The following ADAMTS3 variants were observed in gnomAD, a reference collection of about 807,000 sequenced individuals.
ADAMTS3 encodes the protein ADAM metallopeptidase with thrombospondin type 1 motif 3.
ADAMTS3 carries 73 observed loss-of-function variants against 129.0 expected under a neutral mutation model. The ratio of observed to expected loss-of-function variants is 0.57; its 90% CI spans 0.47 to 0.69. The LOEUF is 0.69. Ranked by LOEUF, ADAMTS3 falls within the 30% of genes least tolerant of loss-of-function variation. The probability of loss-of-function intolerance (pLI) is 0.00; values close to 1 mark genes in which losing one functional copy is unlikely to be tolerated. For missense variants in ADAMTS3, 1,457 were observed against 1,514.5 expected, an observed-to-expected ratio of 0.96 and a Z score of 0.63; for synonymous variants, 477 against 510.8, an observed-to-expected ratio of 0.93 and a Z score of 0.89.
chr4:72,494,048 T>C (rs1719812856), intron 3 of ADAMTS3, among the ~76,000 whole-genome samples: 1 of 152,296 alleles, frequency 6.6e-6, no homozygotes, highest in South Asian at 2.1e-4. Context: ...TGTGCCTCAG[T>C]ATAGTCTTCT....
intron 3 of ADAMTS3, among the ~76,000 whole-genome samples, chr4:72,468,094 G>T (rs1560527203): frequency 6.6e-6 from 1 of 151,064 alleles, no homozygotes; most frequent in African/African-American, 2.4e-5. Flanking sequence ...TTTTCAGTCT[G>T]AAAAAAAAAT....
At chr4:72,537,397 T>G (rs1721208337) in intron 3 of ADAMTS3, among the ~76,000 whole-genome samples, 1 of 152,188 alleles carries the variant, frequency 6.6e-6, no homozygotes, top group Non-Finnish European at 1.5e-5. Context: ...TTTATAGAGA[T>G]AGCTTTTTTT....
intron 21 of ADAMTS3, among the ~76,000 whole-genome samples, chr4:72,285,391 C>G (rs1382917444): frequency 6.6e-6 from 1 of 151,822 alleles, no homozygotes. Flanking sequence ...TTTTTGAAAA[C>G]CTGTATCTTA....
intron 2 of ADAMTS3, among the ~76,000 whole-genome samples, chr4:72,557,825 A>C (rs1330286852): frequency 1.3e-5 from 2 of 151,878 alleles, no homozygotes; most frequent in Non-Finnish European, 2.9e-5. Flanking sequence ...TCTTAAAATG[A>C]CCAAATAATC....
intron 3 of ADAMTS3, among the ~76,000 whole-genome samples, chr4:72,546,265 A>T (rs1433465110): frequency 3.3e-5 from 5 of 152,148 alleles, no homozygotes; most frequent in African/African-American, 1.2e-4. Context: ...CAAGCTTCCA[A>T]GAACCCCTAC....
intron 3 of ADAMTS3, among the ~76,000 whole-genome samples, chr4:72,435,623 A>ACT (rs1366489943): frequency 6.6e-6 from 1 of 151,866 alleles, no homozygotes; most frequent in African/African-American, 2.4e-5. Context: ...GATGTAAGAC[A>ACT]GTACATGGCA....
At chr4:72,289,732 T>C (rs1374948036) in intron 20 of ADAMTS3, among the ~76,000 whole-genome samples, 1 of 152,142 alleles carries the variant, frequency 6.6e-6, no homozygotes, top group African/African-American at 2.4e-5. Flanking sequence ...GGGTTAGTTA[T>C]TGCAGGAATG....
At chr4:72,370,082 C>A (rs1357299345) in intron 4 of ADAMTS3, among the ~76,000 whole-genome samples, 1 of 152,164 alleles carries the variant, frequency 6.6e-6, no homozygotes, top group East Asian at 1.9e-4. Context: ...AAATAATAGA[C>A]AATCGCAAAA....
chr4:72,345,904 A>T (rs1470422988), intron 4 of ADAMTS3, among the ~76,000 whole-genome samples: 2 of 152,146 alleles, frequency 1.3e-5, no homozygotes, highest in Non-Finnish European at 1.5e-5. Flanking sequence ...CTTCTATGTC[A>T]GCGAGAATGT....
At chr4:72,554,756 C>T (rs1721722277) in intron 2 of ADAMTS3, among the ~76,000 whole-genome samples, 1 of 151,820 alleles carries the variant, frequency 6.6e-6, no homozygotes, top group African/African-American at 2.4e-5. Context: ...ATTCCCCACA[C>T]AGAATTTCTC....
chr4:72,377,736 C>T (rs968857380), intron 4 of ADAMTS3, among the ~76,000 whole-genome samples: 9 of 152,116 alleles, frequency 5.9e-5, no homozygotes, highest in African/African-American at 1.9e-4. Context: ...TTGATGTTGC[C>T]AGGCATTGGA....
Position 72,432,368 on chromosome 4 carries a change from G to T in ADAMTS3, c.505-17397C>A, listed in dbSNP as rs757952601. Among the ~76,000 whole-genome samples, 76 of 151,694 alleles carry T rather than the reference G, an allele frequency of 5.0e-4. 2 individuals are homozygous for T. The highest frequency in any genetic ancestry group is 2.6e-4 in the Admixed American group (4 of 15,208). On this transcript the variant is annotated intron_variant, in intron 3 of 21. Coordinates refer to ENST00000286657, the MANE Select transcript of ADAMTS3 (RefSeq NM_014243.3). ...ACAGTACCGGTATCTGCTCCCCTCC[G>T]ACTGCTCTTCCACATACCTAGCTCT...
At chr4:72,321,332 T>C (rs1719549486) in intron 6 of ADAMTS3, among the ~76,000 whole-genome samples, 1 of 147,782 alleles carries the variant, frequency 6.8e-6, no homozygotes, top group African/African-American at 2.4e-5. Context: ...CCACCATTCC[T>C]GGCTTTTTTT....
In ADAMTS3 at chr4:72,424,390, C is replaced by G. The variant is rs73827093; in HGVS notation, c.505-9419G>C. On this transcript the variant is annotated intron_variant, in intron 3 of 21. Coordinates refer to ENST00000286657, the MANE Select transcript of ADAMTS3 (RefSeq NM_014243.3). The stretch of plus-strand genomic sequence containing the variant: ...TGCCTGGTTCTTATCAAAATACAGG[C>G]GGCAAAAAATAAAATTTGAGAAATA... 1.1e-3 allele frequency among the ~76,000 whole-genome samples: 165 copies of G among 152,030 alleles called. 1 individual carries two copies. The highest frequency in any genetic ancestry group is 3.8e-3 in the African/African-American group (158 of 41,518).
At chr4:72,561,452 C>A (rs1721901497) in intron 2 of ADAMTS3, among the ~76,000 whole-genome samples, 1 of 152,004 alleles carries the variant, frequency 6.6e-6, no homozygotes, top group Non-Finnish European at 1.5e-5. Flanking sequence ...CTGCAGTGAG[C>A]CATGACTGCA....
At chr4:72,300,765 A>G (rs1055179656) in intron 17 of ADAMTS3, among the ~76,000 whole-genome samples, 16 of 152,244 alleles carry the variant, frequency 1.1e-4, no homozygotes, top group Middle Eastern at 3.4e-3. Context: ...AGTCAGTGCC[A>G]TATTGTGAGG....
At chr4:72,288,923 T>TACACACACACACACACACAC (rs33967517) in intron 20 of ADAMTS3, 55 bp from the exon 21 acceptor site, 2 of 452,660 alleles carry the variant, frequency 4.4e-6, no homozygotes, top group Non-Finnish European at 4.0e-6. Context: ...ACCATGCACA[T>TACACACACACACACACACAC]ACACACACAC....
chr4:72,521,683 G>A (rs1370728620), intron 3 of ADAMTS3, among the ~76,000 whole-genome samples: 1 of 151,964 alleles, frequency 6.6e-6, no homozygotes, highest in African/African-American at 2.4e-5. Flanking sequence ...ACCCCAAATA[G>A]TGTACATTAC....
At chr4:72,308,474 T>C (rs1209887424) in intron 15 of ADAMTS3, among the ~76,000 whole-genome samples, 1 of 151,954 alleles carries the variant, frequency 6.6e-6, no homozygotes, top group African/African-American at 2.4e-5. Context: ...ACCATATTTC[T>C]TTGTTTTTGT....
Sources: gnomAD v4.1 joint callset for allele counts (sites outside exome capture counted in the v4.1 genomes callset) on GRCh38, gnomAD v4.1.1 for gene constraint, MANE v1.5 for transcripts, NCBI Gene and HGNC (gene_info 2026-07-23, HGNC 2026-07-21) for gene names.